The following DKK2 variants were observed in gnomAD, a reference collection of about 807,000 sequenced individuals.
DKK2 encodes the protein dickkopf Wnt signaling pathway inhibitor 2.
A neutral mutation model predicts 28.1 loss-of-function variants in DKK2; 11 were observed. That is an observed-to-expected ratio of 0.39 (90% confidence interval 0.25 to 0.65). The LOEUF (loss-of-function observed/expected upper bound fraction) is 0.65, where lower values mean the gene tolerates loss of function less well. DKK2 is among the 30% of genes least tolerant of loss of function. The pLI is 0.47. For missense variants in DKK2, 326 were observed against 335.5 expected, an observed-to-expected ratio of 0.97 and a Z score of 0.22; for synonymous variants, 135 against 126.5, an observed-to-expected ratio of 1.07 and a Z score of -0.45.
intron 1 of DKK2, among the ~76,000 whole-genome samples, chr4:106,984,130 T>A (rs1401694044): frequency 6.6e-6 from 1 of 152,222 alleles, no homozygotes; most frequent in Non-Finnish European, 1.5e-5. Context: ...AAATGAAGAC[T>A]CTGTTCACAC....
chr4:107,026,567 G>T (rs1312234662), intron 1 of DKK2, among the ~76,000 whole-genome samples: 1 of 152,086 alleles, frequency 6.6e-6, no homozygotes, highest in East Asian at 1.9e-4. Context: ...TAGGATTAAA[G>T]AAACAAAAAG....
At chr4:106,962,077 G>A (rs1722695087) in intron 1 of DKK2, among the ~76,000 whole-genome samples, 1 of 152,138 alleles carries the variant, frequency 6.6e-6, no homozygotes, top group Non-Finnish European at 1.5e-5. Context: ...TGGGAAAACA[G>A]GACATCTTTA....
At chr4:106,956,117 T>A (rs2110348397) in intron 1 of DKK2, among the ~76,000 whole-genome samples, 1 of 152,304 alleles carries the variant, frequency 6.6e-6, no homozygotes, top group Non-Finnish European at 1.5e-5. Flanking sequence ...CAAATGCTAA[T>A]AATAATACAA....
chr4:106,927,934 A>T (rs1724446407), intron 1 of DKK2, among the ~76,000 whole-genome samples: 1 of 152,200 alleles, frequency 6.6e-6, no homozygotes, highest in Non-Finnish European at 1.5e-5. Context: ...AACTCAAATA[A>T]CAAGTCCTCA....
rs1211937094 is a variant in DKK2, at chr4:106,940,295, A to G, written c.223-14346T>C. ...CAAATAACCCCATCAAAAAGTGGGC[A>G]AAGGACATGAACAGACACGTCTCAA... On this transcript the variant is annotated intron_variant, in intron 1 of 3. Transcript: ENST00000285311. Among the ~76,000 whole-genome samples, 5 of 152,346 alleles carry G rather than the reference A, an allele frequency of 3.3e-5. No homozygotes were observed. In the East Asian group the frequency reaches 7.7e-4, roughly 24 times the overall value.
chr4:107,035,357 G>A lies in DKK2; in HGVS notation c.222+13C>T, dbSNP rs1273285644. Reference sequence around the variant, plus strand: ...CTCTTCTGTCTGAAGAATGTGTTTGGGGGTTTTCCTACCTGCCCCAGGTTT... The same window carrying A: ...CTCTTCTGTCTGAAGAATGTGTTTGAGGGTTTTCCTACCTGCCCCAGGTTT... On this transcript the variant is annotated intron_variant, in intron 1 of 3. Coordinates refer to ENST00000285311, the MANE Select transcript of DKK2 (RefSeq NM_014421.3). 3 of 1,613,920 alleles carry A rather than the reference G, an allele frequency of 1.9e-6. No individual in the cohort carries two copies. In the Admixed American group the frequency reaches 5.0e-5, roughly 27 times the overall value.
intron 1 of DKK2, among the ~76,000 whole-genome samples, chr4:106,957,304 G>A (rs1722609058): frequency 6.6e-6 from 1 of 150,518 alleles, no homozygotes; most frequent in Admixed American, 6.6e-5. Flanking sequence ...CACTGTTGGT[G>A]GGACTGTAAA....
intron 1 of DKK2, among the ~76,000 whole-genome samples, chr4:106,991,301 C>T (rs978079815): frequency 6.6e-6 from 1 of 152,054 alleles, no homozygotes; most frequent in African/African-American, 2.4e-5. Context: ...AACCAGTAAT[C>T]CTTCAGATTC....
At position 106,925,781 on chromosome 4, in the gene DKK2, C is replaced by T. The variant is rs780907707; in HGVS notation, c.373+18G>A. 1.2e-6 allele frequency: 2 copies of T among 1,600,100 alleles called. No homozygotes were observed. The highest frequency in any genetic ancestry group is 1.7e-6 in the Non-Finnish European group (2 of 1,174,062). On this transcript the variant is annotated intron_variant, in intron 2 of 3. Transcript: ENST00000285311. ...ATGAAAAGAAAGAGGCCCATTAACA[C>T]TTAGTGAGATCTTTTACCATTATTG... is the stretch of plus-strand genomic sequence containing the variant.
chr4:106,985,060 T>G (rs1723095807), intron 1 of DKK2, among the ~76,000 whole-genome samples: 1 of 151,736 alleles, frequency 6.6e-6, no homozygotes. Context: ...ATACAAAAAT[T>G]TAGCTGGGTG....
intron 1 of DKK2, among the ~76,000 whole-genome samples, chr4:106,980,430 A>G (rs978541198): frequency 1.3e-5 from 2 of 152,146 alleles, no homozygotes; most frequent in African/African-American, 2.4e-5. Context: ...TGCATATTAT[A>G]TATTAACTAT....
At position 106,924,690 on chromosome 4, in the gene DKK2, G is replaced by T. The variant is rs773285393; in HGVS notation, c.384C>A (p.Ile128=). 8 of 1,613,086 alleles carry T rather than the reference G, an allele frequency of 5.0e-6. No individual in the cohort carries two copies. The highest frequency in any genetic ancestry group is 6.8e-6 in the Non-Finnish European group (8 of 1,179,544). The stretch of plus-strand genomic sequence containing the variant: ...GGGTTAAGATGCTTTCAGTAACTGG[G>T]ATACAGATGCCTGGAGATGATCATA... The part of the protein sequence containing the change: ...PSTRCNNGIC[I]PVTESILTPH... The change falls in exon 3 of 4, where the codon ATC becomes ATA. Residue 128 remains isoleucine, a synonymous_variant. Coordinates refer to ENST00000285311, the MANE Select transcript of DKK2 (RefSeq NM_014421.3).
chr4:107,023,947 C>T (rs895818324), intron 1 of DKK2, among the ~76,000 whole-genome samples: 1 of 152,112 alleles, frequency 6.6e-6, no homozygotes, highest in African/African-American at 2.4e-5. Context: ...GGACCTATTA[C>T]ATTGTTTGAT....
chr4:107,009,304 T>C (rs919568429), intron 1 of DKK2, among the ~76,000 whole-genome samples: 1 of 151,842 alleles, frequency 6.6e-6, no homozygotes. Context: ...AATTCAAAAA[T>C]AAAATAAAAA....
At chr4:106,957,234 A>T (rs968077974) in intron 1 of DKK2, among the ~76,000 whole-genome samples, 1 of 151,394 alleles carries the variant, frequency 6.6e-6, no homozygotes, top group Non-Finnish European at 1.5e-5. Flanking sequence ...AATGGCAATC[A>T]TTAAAAAGTC....
intron 1 of DKK2, among the ~76,000 whole-genome samples, chr4:106,990,838 G>C (rs1401102161): frequency 6.6e-6 from 1 of 151,792 alleles, no homozygotes; most frequent in Non-Finnish European, 1.5e-5. Flanking sequence ...GGTCAGAAAG[G>C]GCAAGTGGAA....
intron 1 of DKK2, among the ~76,000 whole-genome samples, chr4:107,024,278 A>T (rs898305707): frequency 6.6e-6 from 1 of 152,148 alleles, no homozygotes; most frequent in African/African-American, 2.4e-5. Context: ...GCATGACAGA[A>T]AAAAATAAAG....
In DKK2 at chr4:106,923,866, C is replaced by T; in HGVS notation, c.*88G>A. ...CACGTTTCTTATTTTAGCCATTCTTCTGCATCTGAACCTTATTTTCCACCA... is the reference window on the plus strand; with the variant it reads ...CACGTTTCTTATTTTAGCCATTCTTTTGCATCTGAACCTTATTTTCCACCA... On this transcript the variant is annotated 3_prime_UTR_variant, in exon 4 of 4. Transcript: ENST00000285311. 1 of 1,523,628 alleles carries T rather than the reference C, an allele frequency of 6.6e-7. No homozygotes were observed. The highest frequency in any genetic ancestry group is 2.3e-5 in the East Asian group (1 of 44,046). 94.4% of individuals were successfully genotyped at this position (1,523,628 alleles called of 1,614,324 possible). A position where few individuals can be genotyped will look rare whatever the true frequency, so the allele number is the denominator to read the frequency against.
intron 1 of DKK2, among the ~76,000 whole-genome samples, chr4:106,973,153 G>C (rs192450803): frequency 2.7e-4 from 41 of 152,272 alleles, no homozygotes; most frequent in African/African-American, 8.9e-4. Context: ...TGGGCATTTG[G>C]GTTGGTTCCA....
Sources: gnomAD v4.1 joint callset for allele counts (sites outside exome capture counted in the v4.1 genomes callset) on GRCh38, gnomAD v4.1.1 for gene constraint, MANE v1.5 for transcripts, NCBI Gene and HGNC (gene_info 2026-07-23, HGNC 2026-07-21) for gene names.